SPAG8: variants seen among roughly 807,000 people sequenced by gnomAD.
SPAG8 encodes sperm associated antigen 8.
SPAG8 carries 36 observed loss-of-function variants against 45.3 expected under a neutral mutation model. That is an observed-to-expected ratio of 0.80 (90% CI 0.61 to 1.05). SPAG8 has a LOEUF of 1.05. Among genes scored for constraint, SPAG8 ranks in the 50% least tolerant of loss-of-function variants. SPAG8 has a pLI of 0.00. For missense variants in SPAG8, 573 were observed against 609.2 expected (o/e 0.94, Z 0.63); for synonymous variants, 227 against 232.6 (o/e 0.98, Z 0.22).
At chr9:35,808,360 C>T (rs973808581), downstream of SPAG8, 10 of 1,435,678 alleles carry the variant, frequency 7.0e-6, no homozygotes, top group Admixed American at 8.7e-5. The surrounding 1 kb of genome is among the most constrained non-coding windows in gnomAD (Gnocchi z 4.0). Flanking sequence ...CTCCCCTAGA[C>T]TCAGGACCAT....
At chr9:35,808,495 C>T (rs1588072644), downstream of SPAG8, 3 of 1,613,650 alleles carry the variant, frequency 1.9e-6, no homozygotes, top group African/African-American at 4.0e-5. The surrounding 1 kb of genome is among the most constrained non-coding windows in gnomAD (Gnocchi z 4.0). Context: ...CCTTTTAATC[C>T]CCCTCTCAAT....
chr9:35,809,281 A>AGGG (rs752500692), downstream of SPAG8: 2 of 1,611,152 alleles, frequency 1.2e-6, no homozygotes, highest in East Asian at 4.5e-5. This position sits in a 1 kb window ranked among gnomAD's most constrained non-coding sequence, Gnocchi z 4.1. Context: ...GGGCATGGAA[A>AGGG]GGGAGGGTGA....
rs1828849346 is a variant in SPAG8, at chr9:35,812,164, C to T, written c.-17G>A. ...GGTCTCCATCTTCAGACTCCAGCTA[C>T]TGGGTTGCCATAGAGACAGCAAACA... On this transcript the variant is annotated 5_prime_UTR_variant, in exon 1 of 7. Coordinates refer to ENST00000396638, the MANE Select transcript of SPAG8 (RefSeq NM_001039592.2). 2.5e-6 allele frequency: 4 copies of T among 1,603,310 alleles called. No homozygotes were observed. The highest frequency in any genetic ancestry group is 3.4e-6 in the Non-Finnish European group (4 of 1,179,922).
chr9:35,809,314 G>C, downstream of SPAG8: 1 of 1,610,874 alleles, frequency 6.2e-7, no homozygotes, highest in Non-Finnish European at 8.5e-7. The surrounding 1 kb of genome is among the most constrained non-coding windows in gnomAD (Gnocchi z 4.1). Context: ...GAATCATAGG[G>C]AAAGAGAGGG....
At chr9:35,808,685 T>C (rs771588242), downstream of SPAG8, 2 of 1,613,882 alleles carry the variant, frequency 1.2e-6, no homozygotes, top group Non-Finnish European at 8.5e-7. The surrounding 1 kb of genome is among the most constrained non-coding windows in gnomAD (Gnocchi z 4.0). Flanking sequence ...TCCATACTGG[T>C]AAGGCTGACT....
In SPAG8 at chr9:35,811,500, G is replaced by GCCATGA. The variant is rs1828796101; in HGVS notation, c.545_546insTCATGG (p.Gly182_Ser183insHisGly). The GCCATGA allele has an allele frequency of 1.0e-6, 1 of 988,948 alleles. No homozygotes were observed. The highest frequency in any genetic ancestry group is 4.5e-5 in the African/African-American group (1 of 22,184). 61.3% of individuals were successfully genotyped at this position (988,948 alleles called of 1,614,324 possible). A position where few individuals can be genotyped will look rare whatever the true frequency, so the allele number is the denominator to read the frequency against. ...AGCCAGAGCCATGACCAGGACCAGA[G>GCCATGA]CCAGGACCAGAGCCAGGACCAGGAC... On this transcript the variant is annotated inframe_insertion, in exon 2 of 7. Coordinates refer to ENST00000396638, the MANE Select transcript of SPAG8 (RefSeq NM_001039592.2).
rs1201120464 is a variant in SPAG8, at chr9:35,811,748, G to A, written c.298C>T (p.Pro100Ser). ...TGGGCTATATTGTGGGTAAAGCCGG[G>A]TCCCGCACAGGGCTCCCCAAGAAGG... ...PSLLGEPCAG[P>S]GFTHNIAHGS... Residue 100 changes from proline to serine, a missense_variant, in exon 2 of 7, where the codon CCC (proline) becomes TCC (serine). Pro to Ser is a moderately conservative substitution (Grantham distance 74). Transcript: ENST00000396638. 1 of 1,614,128 alleles carries A rather than the reference G, an allele frequency of 6.2e-7. No homozygotes were observed. Among genetic ancestry groups the A allele is most frequent in the Non-Finnish European group, 8.5e-7 (1 of 1,180,048 alleles).
rs111372290 is a variant in SPAG8, at chr9:35,810,933, G to C, written c.989C>G (p.Thr330Ser). The change falls in exon 3 of 7, where the codon ACC (threonine) becomes AGC (serine). Residue 330 changes from threonine to serine, a missense_variant. Coordinates refer to ENST00000396638, the MANE Select transcript of SPAG8 (RefSeq NM_001039592.2). ...QLKSPMPSST[T>S]QKDSYQPPGN... is the part of the protein sequence containing the mutation. ...TGGTGGCTGGTACGAGTCTTTCTGG[G>C]TGGTGCTGGAGGGCATGGGTGACTT... 1.1e-4 allele frequency: 182 copies of C among 1,614,016 alleles called. 1 individual carries two copies. The African/African-American group carries it at 1.8e-3, about 16-fold the overall frequency.
Position 35,812,193 on chromosome 9 carries a change from C to T in SPAG8, c.-46G>A, listed in dbSNP as rs374403759. 1.3e-6 allele frequency: 2 copies of T among 1,592,400 alleles called. No homozygotes were observed. Among genetic ancestry groups the T allele is most frequent in the African/African-American group, 1.3e-5 (1 of 74,488 alleles). ...GTTGCCATAGAGACAGCAAACAACT[C>T]CTGGAGCCTGCGCAGAAGTACAGCT... is the stretch of plus-strand genomic sequence containing the variant. On this transcript the variant is annotated 5_prime_UTR_variant, in exon 1 of 7. Coordinates refer to ENST00000396638, the MANE Select transcript of SPAG8 (RefSeq NM_001039592.2).
In SPAG8 at chr9:35,811,789, G is replaced by A. The variant is rs200021660; in HGVS notation, c.257C>T (p.Pro86Leu). The change falls in exon 2 of 7, where the codon CCG becomes CTG. Residue 86 changes from proline (P) to leucine (L), a missense_variant. Transcript: ENST00000396638. ...CCCAAGAAGGCTGGGGTCAGAGGACGGCTCCATGAACTCAGAACAGGGCGC... is the reference window on the plus strand; with the variant it reads ...CCCAAGAAGGCTGGGGTCAGAGGACAGCTCCATGAACTCAGAACAGGGCGC... ...TPAPCSEFMEPSSDPSLLGEP... is the reference protein window; with the variant it reads ...TPAPCSEFMELSSDPSLLGEP... 14 of 1,614,188 alleles carry A rather than the reference G, an allele frequency of 8.7e-6. No homozygotes were observed. The highest frequency in any genetic ancestry group is 2.2e-5 in the East Asian group (1 of 44,880).
chr9:35,808,837 G>A (rs1828578992), downstream of SPAG8: 2 of 1,601,630 alleles, frequency 1.2e-6, no homozygotes, highest in South Asian at 1.1e-5. The surrounding 1 kb of genome is among the most constrained non-coding windows in gnomAD (Gnocchi z 4.0). Context: ...CTTCTCGAAT[G>A]GAGTCTAATG....
rs748832965 is a variant in SPAG8 at position 35,811,291 on chromosome 9, T to C, written c.755A>G (p.Glu252Gly). The change falls in exon 2 of 7, where the codon GAA becomes GGA. Residue 252 changes from glutamate (E) to glycine (G), a missense_variant. Physicochemically the swap from Glu to Gly is moderately conservative, Grantham distance 98. Transcript: ENST00000396638. Reference sequence around the variant, plus strand: ...TTTCCATAGTCCTCGGGCACCCGGTTCTAAGACTTGCAAAAATTCCCAAGG... The same window carrying C: ...TTTCCATAGTCCTCGGGCACCCGGTCCTAAGACTTGCAAAAATTCCCAAGG... ...QPPWEFLQVL[E>G]PGARGLWKPP... The C allele has an allele frequency of 6.2e-7, 1 of 1,614,182 alleles. No homozygotes were observed. Among genetic ancestry groups the C allele is most frequent in the South Asian group, 1.1e-5 (1 of 91,080 alleles).
Position 35,812,127 on chromosome 9 carries a change from C to T in SPAG8, c.21G>A (p.Thr7=), listed in dbSNP as rs546624934. 25 of 1,608,230 alleles carry T rather than the reference C, an allele frequency of 1.6e-5. No individual in the cohort carries two copies. Among genetic ancestry groups the T allele is most frequent in the East Asian group, 2.2e-5 (1 of 44,888 alleles). The change falls in exon 1 of 7, where the codon ACG becomes ACA. Residue 7 remains threonine (T), a synonymous_variant. Transcript: ENST00000396638. METNES[T]EGSRSRSRSL... is the part of the protein sequence containing the mutation. The stretch of plus-strand genomic sequence containing the variant: ...ACCGCGACCGCGACCGCGATCCCTC[C>T]GTAGACTCGTTGGTCTCCATCTTCA...
At position 35,810,627 on chromosome 9, in the gene SPAG8, A is replaced by G; in HGVS notation, c.1085+10T>C. 1.9e-6 allele frequency: 3 copies of G among 1,613,898 alleles called. No individual in the cohort carries two copies. The highest frequency in any genetic ancestry group is 3.3e-5 in the Admixed American group (2 of 60,004). Reference sequence around the variant, plus strand: ...TCCCCATCCCTCTTCCCCTTTACCCAATCCCTTACCAGATCTGATGCTGCA... The same window carrying G: ...TCCCCATCCCTCTTCCCCTTTACCCGATCCCTTACCAGATCTGATGCTGCA... On this transcript the variant is annotated intron_variant, in intron 4 of 6. Transcript: ENST00000396638.
At position 35,809,966 on chromosome 9, in the gene SPAG8, C is replaced by A. The variant is rs375058447; in HGVS notation, c.1430G>T (p.Gly477Val). ...SLPCPGGRLG[G>V]GGGRMTPF The stretch of plus-strand genomic sequence containing the variant: ...GAAAGGAGTCATTCTCCCCCCTCCA[C>A]CACCCAGCCTTCCTCCGGGACAGGG... Residue 477 changes from glycine (G) to valine (V), a missense_variant, in exon 7 of 7, where the codon GGT (glycine) becomes GTT (valine). Gly to Val is a moderately radical substitution (Grantham distance 109). Coordinates refer to ENST00000396638, the MANE Select transcript of SPAG8 (RefSeq NM_001039592.2). This position sits in a 1 kb window ranked among gnomAD's most constrained non-coding sequence, Gnocchi z 4.1. 13 of 1,591,210 alleles carry A rather than the reference C, an allele frequency of 8.2e-6. No homozygotes were observed. The South Asian group carries it at 1.0e-4, about 13-fold the overall frequency.
chr9:35,812,220 G>C lies in SPAG8; in HGVS notation c.-73C>G. 1.9e-6 allele frequency: 3 copies of C among 1,557,252 alleles called. No homozygotes were observed. The highest frequency in any genetic ancestry group is 2.6e-6 in the Non-Finnish European group (3 of 1,148,908). The stretch of plus-strand genomic sequence containing the variant: ...TGGAGCCTGCGCAGAAGTACAGCTG[G>C]GCGGACTTGCAGGTGGCGGTGGAGG... On this transcript the variant is annotated 5_prime_UTR_variant, in exon 1 of 7. Transcript: ENST00000396638.
Position 35,812,019 on chromosome 9 carries a change from C to A in SPAG8, c.45-18G>T. 1 of 1,607,676 alleles carries A rather than the reference C, an allele frequency of 6.2e-7. No homozygotes were observed. Among genetic ancestry groups the A allele is most frequent in the Non-Finnish European group, 8.5e-7 (1 of 1,177,122 alleles). On this transcript the variant is annotated intron_variant, in intron 1 of 6. Transcript: ENST00000396638. ...CTAAAGATCTGAAAGAAAGCAAACA[C>A]GACATGGCTGTCAAAAGCGCAGCAG...
At chr9:35,810,187 C>A in intron 6 of SPAG8, 55 bp from the exon 7 acceptor site, 1 of 1,609,760 alleles carries the variant, frequency 6.2e-7, no homozygotes, top group South Asian at 1.1e-5. Context: ...CAGAACAAAA[C>A]AACTCTGCCC....
downstream of SPAG8, chr9:35,808,000 A>T (rs1828501834): frequency 1.6e-6 from 1 of 609,998 alleles, no homozygotes; most frequent in Non-Finnish European, 2.9e-6. Context: ...TAACTACTTT[A>T]TCCCTAAATA....
Sources: allele counts gnomAD v4.1 joint callset, GRCh38; gene constraint gnomAD v4.1.1; non-coding constraint Gnocchi (gnomAD v3.1); transcripts MANE v1.5; gene names NCBI Gene and HGNC (gene_info 2026-07-23, HGNC 2026-07-21).